Variants in SRGAP1 observed in about 807,000 individuals in gnomAD.
The protein encoded by SRGAP1 is SLIT-ROBO Rho GTPase activating protein 1.
SRGAP1 carries 43 observed loss-of-function variants against 121.9 expected under a neutral mutation model. The observed-to-expected ratio is 0.35, with a 90% CI of 0.28 to 0.46. The LOEUF is 0.46. Among genes scored for constraint, SRGAP1 ranks in the 20% least tolerant of loss-of-function variants. SRGAP1 has a pLI of 1.00. For missense variants in SRGAP1, 1,102 were observed against 1,350.9 expected, an observed-to-expected ratio of 0.82 and a Z score of 2.89; for synonymous variants, 447 against 485.4, an observed-to-expected ratio of 0.92 and a Z score of 1.04.
intron 1 of SRGAP1, 109 bp from the exon 2 acceptor site, chr12:63,983,823 TATATATATATATATA>T (rs2033331237): frequency 1.3e-5 from 1 of 74,544 alleles, no homozygotes; most frequent in Non-Finnish European, 2.7e-5. Context: ...TATATATATA[TATATATATATATATA>T]TATATATATA....
intron 18 of SRGAP1, among the ~76,000 whole-genome samples, chr12:64,119,571 T>A (rs2136627487): frequency 6.6e-6 from 1 of 152,280 alleles, no homozygotes; most frequent in East Asian, 1.9e-4. Context: ...GTAGAGATTT[T>A]TTTCATTTTC....
At chr12:63,968,630 G>T (rs2032849506) in intron 1 of SRGAP1, among the ~76,000 whole-genome samples, 1 of 152,212 alleles carries the variant, frequency 6.6e-6, no homozygotes, top group Non-Finnish European at 1.5e-5. Context: ...GTCTGTAAGT[G>T]GCTACCGTTT....
intron 4 of SRGAP1, among the ~76,000 whole-genome samples, chr12:64,017,722 C>CT (rs2034441882): frequency 6.7e-6 from 1 of 150,236 alleles, no homozygotes; most frequent in South Asian, 2.1e-4. Flanking sequence ...CTGGTACTTT[C>CT]TTTTTTTCCC....
chr12:63,926,116 A>G (rs1341023422), intron 1 of SRGAP1, among the ~76,000 whole-genome samples: 2 of 152,216 alleles, frequency 1.3e-5, no homozygotes, highest in Admixed American at 6.5e-5. Flanking sequence ...ATATATATTT[A>G]TAGTAGTTTG....
intron 1 of SRGAP1, among the ~76,000 whole-genome samples, chr12:63,872,260 G>A (rs1287774873): frequency 6.6e-6 from 1 of 152,184 alleles, no homozygotes; most frequent in African/African-American, 2.4e-5. Context: ...TACAACGTAC[G>A]TGAGAGGTAG....
At chr12:63,953,574 T>TA (rs2032366205) in intron 1 of SRGAP1, among the ~76,000 whole-genome samples, 1 of 151,836 alleles carries the variant, frequency 6.6e-6, no homozygotes, top group South Asian at 2.1e-4. Flanking sequence ...GGCTAATTTT[T>TA]AAAGTTTTTT....
chr12:64,151,689 A>T lies in SRGAP1; in HGVS notation c.*9017A>T, dbSNP rs2038004167. On this transcript the variant is annotated 3_prime_UTR_variant, in exon 22 of 22. Transcript: ENST00000355086. ...GTGTACTAGGTGAGTGATAGGCTCA[A>T]TGCAAATTCTTAGCAGTTTGTTAAT... The T allele has an allele frequency of 6.6e-6, 1 of 152,204 alleles. No individual in the cohort carries two copies. Among genetic ancestry groups the T allele is most frequent in the South Asian group, 2.1e-4 (1 of 4,832 alleles). The allele number at this position is 152,204 out of a possible 1,614,324, so 9.4% of individuals were successfully genotyped here. A position where few individuals can be genotyped will look rare whatever the true frequency, so the allele number is the denominator to read the frequency against.
At chr12:63,901,690 C>T (rs2029942218) in intron 1 of SRGAP1, among the ~76,000 whole-genome samples, 1 of 152,228 alleles carries the variant, frequency 6.6e-6, no homozygotes, top group Non-Finnish European at 1.5e-5. Flanking sequence ...CAAACTGCTA[C>T]TAACCACAGT....
intron 1 of SRGAP1, among the ~76,000 whole-genome samples, chr12:63,939,684 A>T (rs978242809): frequency 1.3e-5 from 2 of 152,176 alleles, no homozygotes; most frequent in African/African-American, 2.4e-5. Context: ...AGTAAAAAAC[A>T]AGTTGTTTCT....
At chr12:64,122,402 G>A (rs944377801) in intron 18 of SRGAP1, among the ~76,000 whole-genome samples, 7 of 152,192 alleles carry the variant, frequency 4.6e-5, no homozygotes, top group Admixed American at 4.6e-4. Context: ...TAAGATGTGT[G>A]TAAATAGCTT....
chr12:63,850,252 A>G (rs1899032096), intron 1 of SRGAP1, among the ~76,000 whole-genome samples: 1 of 152,180 alleles, frequency 6.6e-6, no homozygotes, highest in Admixed American at 6.5e-5. Context: ...GTTTTGGAGA[A>G]AATTTTGAGC....
chr12:64,043,026 A>G (rs1269162465), intron 5 of SRGAP1, 54 bp downstream of exon 5: 23 of 1,247,390 alleles, frequency 1.8e-5, no homozygotes, highest in Middle Eastern at 2.0e-4. Context: ...GACAATACTA[A>G]GAACACTGAT....
intron 1 of SRGAP1, among the ~76,000 whole-genome samples, chr12:63,980,031 G>T (rs972056384): frequency 1.3e-5 from 2 of 152,214 alleles, no homozygotes; most frequent in African/African-American, 4.8e-5. Context: ...GTGGGGCCGA[G>T]TGCACCATGG....
chr12:64,138,555 G>C (rs936957510), intron 21 of SRGAP1, among the ~76,000 whole-genome samples: 2 of 150,258 alleles, frequency 1.3e-5, no homozygotes, highest in Admixed American at 6.6e-5. Flanking sequence ...CCATCTCCTG[G>C]GTTCAAGCAA....
chr12:63,956,232 C>G (rs1165266825), intron 1 of SRGAP1, among the ~76,000 whole-genome samples: 3 of 152,016 alleles, frequency 2.0e-5, no homozygotes, highest in Non-Finnish European at 4.4e-5. Context: ...CTGGGATCAG[C>G]CTGGTCTGAA....
At chr12:63,907,837 T>C (rs942852869) in intron 1 of SRGAP1, among the ~76,000 whole-genome samples, 1 of 152,254 alleles carries the variant, frequency 6.6e-6, no homozygotes, top group African/African-American at 2.4e-5. Context: ...TTTATCGTCC[T>C]AGCCCTTACA....
At chr12:64,072,108 C>CTG (rs66959510) in intron 8 of SRGAP1, among the ~76,000 whole-genome samples, 3,179 of 80,398 alleles carry the variant, frequency 0.04, 171 homozygotes, top group African/African-American at 0.1. Context: ...CAATCTCTCT[C>CTG]TGTGTGTGTG....
At chr12:63,944,960 T>G (rs1473866632) in intron 1 of SRGAP1, among the ~76,000 whole-genome samples, 2 of 152,138 alleles carry the variant, frequency 1.3e-5, no homozygotes, top group African/African-American at 4.8e-5. Context: ...CCTCTCTGAC[T>G]GTGCAGTGAC....
intron 21 of SRGAP1, among the ~76,000 whole-genome samples, chr12:64,138,898 C>T (rs1343166773): frequency 6.6e-6 from 1 of 152,060 alleles, no homozygotes; most frequent in Non-Finnish European, 1.5e-5. Context: ...GATAATATTT[C>T]TCCAAAATGG....
Sources: allele counts gnomAD v4.1 joint callset (sites outside exome capture counted in the v4.1 genomes callset), GRCh38; gene constraint gnomAD v4.1.1; transcripts MANE v1.5; gene names NCBI Gene and HGNC (gene_info 2026-07-23, HGNC 2026-07-21).